The following CSMD3 variants were observed in gnomAD, a reference collection of about 807,000 sequenced individuals.
CSMD3 encodes CUB and Sushi multiple domains 3.
In CSMD3, 177 loss-of-function variants were observed where a neutral mutation model predicts 435.2. The ratio of observed to expected loss-of-function variants is 0.41; its 90% CI spans 0.36 to 0.46. CSMD3 has a LOEUF of 0.46. Among genes scored for constraint, CSMD3 ranks in the 20% least tolerant of loss-of-function variants. The pLI is 0.34. For synonymous variants in CSMD3, 1,656 were observed against 1,520.5 expected, an observed-to-expected ratio of 1.09 and a Z score of -2.07; for missense variants, 4,265 against 4,504.6, an observed-to-expected ratio of 0.95 and a Z score of 1.52.
chr8:112,260,820 G>A (rs935382349), intron 61 of CSMD3, among the ~76,000 whole-genome samples: 1 of 152,020 alleles, frequency 6.6e-6, no homozygotes, highest in Admixed American at 6.6e-5. Flanking sequence ...AGGGTGGGAG[G>A]AGTAGTGAGG....
intron 6 of CSMD3, among the ~76,000 whole-genome samples, chr8:113,013,512 G>C (rs1339658888): frequency 6.6e-6 from 1 of 151,950 alleles, no homozygotes; most frequent in South Asian, 2.1e-4. Flanking sequence ...CCATTGAGGT[G>C]GTTTGATTAT....
intron 4 of CSMD3, among the ~76,000 whole-genome samples, chr8:113,128,346 C>T (rs904547445): frequency 1.3e-5 from 2 of 151,840 alleles, no homozygotes; most frequent in Admixed American, 1.3e-4. Flanking sequence ...TAGTTTTCTG[C>T]TTACCTATTA....
intron 13 of CSMD3, among the ~76,000 whole-genome samples, chr8:112,752,153 C>T (rs2077584926): frequency 6.6e-6 from 1 of 152,066 alleles, no homozygotes; most frequent in Non-Finnish European, 1.5e-5. Flanking sequence ...ACTATTTAAC[C>T]TTGTTGACTA....
intron 34 of CSMD3, among the ~76,000 whole-genome samples, chr8:112,407,418 T>C (rs530357627): frequency 3.7e-4 from 56 of 152,184 alleles, no homozygotes; most frequent in Non-Finnish European, 5.0e-4. Context: ...ATGTTTTTTC[T>C]TTTTAAAACA....
At chr8:112,467,657 G>C (rs765479451) in intron 32 of CSMD3, among the ~76,000 whole-genome samples, 4 of 152,146 alleles carry the variant, frequency 2.6e-5, no homozygotes, top group Non-Finnish European at 4.4e-5. Flanking sequence ...GGATCAAGAT[G>C]ATATCATATT....
At chr8:112,759,340 A>G (rs2077778122) in intron 13 of CSMD3, among the ~76,000 whole-genome samples, 1 of 152,128 alleles carries the variant, frequency 6.6e-6, no homozygotes, top group Admixed American at 6.5e-5. Context: ...TATTATCATC[A>G]TAAATAATTA....
chr8:112,267,335 T>G (rs1343590290), intron 59 of CSMD3, among the ~76,000 whole-genome samples: 1 of 152,226 alleles, frequency 6.6e-6, no homozygotes, highest in South Asian at 2.1e-4. Context: ...TTCTCAATAA[T>G]AATAGAGTTT....
chr8:113,121,641 A>C (rs1272604327), intron 4 of CSMD3, among the ~76,000 whole-genome samples: 2 of 152,092 alleles, frequency 1.3e-5, no homozygotes, highest in South Asian at 4.1e-4. Flanking sequence ...AATATTCAAG[A>C]AGTAAATCCT....
intron 25 of CSMD3, 73 bp from the exon 26 acceptor site, chr8:112,552,793 T>A (rs1827802095): frequency 4.4e-6 from 6 of 1,366,006 alleles, no homozygotes; most frequent in Non-Finnish European, 6.2e-6. Flanking sequence ...AAATTTCTCA[T>A]GAGTAGACAA....
intron 9 of CSMD3, among the ~76,000 whole-genome samples, chr8:112,945,588 ATGTGTGTGTG>A (rs10574750): frequency 1.4e-3 from 195 of 140,686 alleles, no homozygotes; most frequent in African/African-American, 3.9e-3. Context: ...ATACAGAAAT[ATGTGTGTGTG>A]TGTGTGTGTG....
chr8:112,300,434 A>ATT (rs926620160), intron 53 of CSMD3, among the ~76,000 whole-genome samples: 1 of 151,838 alleles, frequency 6.6e-6, no homozygotes, highest in Non-Finnish European at 1.5e-5. Flanking sequence ...TTTTTATTTG[A>ATT]TTATATAATC....
chr8:112,358,133 C>T (rs187471546), intron 38 of CSMD3, among the ~76,000 whole-genome samples: 205 of 152,250 alleles, frequency 1.3e-3, no homozygotes, highest in African/African-American at 4.3e-3. Flanking sequence ...ATCATTTTGG[C>T]ACTTTAAGAT....
Position 112,800,219 on chromosome 8 carries a change from G to A in CSMD3, c.1915C>T (p.Leu639=). ...ACACTTTCGTCCGTTTGAAGGTGCAGCCACATTTGGCTACTCATGCTCACT... is the reference window on the plus strand; with the variant it reads ...ACACTTTCGTCCGTTTGAAGGTGCAACCACATTTGGCTACTCATGCTCACT... ...LIVSMSSQMW[L]HLQTDESVGS... Residue 639 remains leucine (L), a synonymous_variant, in exon 13 of 71, where the codon CTG becomes TTG. Coordinates refer to ENST00000297405, the MANE Select transcript of CSMD3 (RefSeq NM_198123.2). The A allele has an allele frequency of 1.2e-6, 2 of 1,613,004 alleles. No individual in the cohort carries two copies. The highest frequency in any genetic ancestry group is 2.2e-5 in the South Asian group (2 of 91,060).
rs1824850851 is a variant in CSMD3 at position 112,339,134 on chromosome 8, C to G, written c.6653-1403G>C. Among the ~76,000 whole-genome samples the G allele has an allele frequency of 2.6e-5, 4 of 152,112 alleles. No individual in the cohort carries two copies. In the South Asian group the frequency reaches 8.3e-4, roughly 32 times the overall value. ...CTGCAAACCCCTCACCTTTTTGGCC[C>G]AGCAGATGAGAAATTGGCTGTCTGC... is the stretch of plus-strand genomic sequence containing the variant. On this transcript the variant is annotated intron_variant, in intron 42 of 70. Transcript: ENST00000297405.
At chr8:112,876,347 G>T (rs1449908520) in intron 10 of CSMD3, among the ~76,000 whole-genome samples, 1 of 145,282 alleles carries the variant, frequency 6.9e-6, no homozygotes, top group Non-Finnish European at 1.5e-5. Context: ...GCATCATCCT[G>T]ATACCAAAAC....
At chr8:112,977,790 T>C (rs945275067) in intron 6 of CSMD3, among the ~76,000 whole-genome samples, 7 of 152,114 alleles carry the variant, frequency 4.6e-5, no homozygotes, top group African/African-American at 1.7e-4. Flanking sequence ...TTTATCCAAG[T>C]TGTTTTGTGA....
At chr8:112,833,021 G>A (rs761155167) in intron 11 of CSMD3, among the ~76,000 whole-genome samples, 26 of 151,976 alleles carry the variant, frequency 1.7e-4, no homozygotes, top group Non-Finnish European at 2.9e-4. Context: ...TGGTAAGTTT[G>A]TATGTACCCG....
At chr8:113,338,292 G>C (rs999272809) in intron 1 of CSMD3, among the ~76,000 whole-genome samples, 2 of 151,870 alleles carry the variant, frequency 1.3e-5, no homozygotes, top group Non-Finnish European at 2.9e-5. Context: ...ATCTCAAAAT[G>C]TAAGATGGTG....
chr8:113,168,315 A>C (rs1377265199), intron 4 of CSMD3, among the ~76,000 whole-genome samples: 1 of 151,944 alleles, frequency 6.6e-6, no homozygotes, highest in Non-Finnish European at 1.5e-5. Context: ...TCACGAGGTC[A>C]AGAGATCAAG....
Sources: gnomAD v4.1 joint callset for allele counts (sites outside exome capture counted in the v4.1 genomes callset) on GRCh38, gnomAD v4.1.1 for gene constraint, MANE v1.5 for transcripts, NCBI Gene and HGNC (gene_info 2026-07-23, HGNC 2026-07-21) for gene names.